Variants in PSD3 observed in about 807,000 individuals in gnomAD.
PSD3 encodes PH and SEC7 domain-containing protein 3.
A neutral mutation model predicts 105.5 loss-of-function variants in PSD3; 49 were observed. The ratio of observed to expected loss-of-function variants is 0.46; its 90% CI spans 0.37 to 0.59. The LOEUF (loss-of-function observed/expected upper bound fraction) is 0.59. Ranked by LOEUF, PSD3 falls within the 20% of genes least tolerant of loss-of-function variation. PSD3 has a pLI of 0.00. For missense variants in PSD3, 1,561 were observed against 1,263.8 expected, an observed-to-expected ratio of 1.24 and a Z score of -3.57; for synonymous variants, 557 against 457.8, an observed-to-expected ratio of 1.22 and a Z score of -2.77.
chr8:18,888,249 G>T (rs766669112), intron 2 of PSD3, among the ~76,000 whole-genome samples: 14 of 152,172 alleles, frequency 9.2e-5, no homozygotes, highest in Non-Finnish European at 1.5e-4. Context: ...CAGGGTAGTG[G>T]AAATACACCC....
At chr8:18,644,516 C>A (rs1807885677) in intron 10 of PSD3, among the ~76,000 whole-genome samples, 1 of 152,178 alleles carries the variant, frequency 6.6e-6, no homozygotes, top group African/African-American at 2.4e-5. Flanking sequence ...TCATTTCTAC[C>A]TGAGACCTCA....
Position 18,535,926 on chromosome 8 carries a change from G to C in PSD3, c.2961C>G (p.Leu987=), listed in dbSNP as rs761061358. The part of the protein sequence containing the change: ...KTRYEMYVSI[L]KEGGKELLSN... ...TCAGTAGCTCTTTGCCTCCTTCCTTGAGAATGCTGACATACATTTCATAGC... is the reference window on the plus strand; with the variant it reads ...TCAGTAGCTCTTTGCCTCCTTCCTTCAGAATGCTGACATACATTTCATAGC... Residue 987 remains leucine, a synonymous_variant, in exon 16 of 16, where the codon CTC becomes CTG. Transcript: ENST00000327040. 1 of 1,614,126 alleles carries C rather than the reference G, an allele frequency of 6.2e-7. No homozygotes were observed. The highest frequency in any genetic ancestry group is 1.1e-5 in the South Asian group (1 of 91,080).
At chr8:19,005,931 T>G (rs1268749840) in intron 1 of PSD3, among the ~76,000 whole-genome samples, 1 of 151,664 alleles carries the variant, frequency 6.6e-6, no homozygotes, top group Non-Finnish European at 1.5e-5. Flanking sequence ...TAAAGTTGTT[T>G]AAAAAAAGGA....
chr8:19,016,961 A>G (rs1030933704), upstream of PSD3, among the ~76,000 whole-genome samples: 3 of 152,032 alleles, frequency 2.0e-5, no homozygotes, highest in South Asian at 2.1e-4. Flanking sequence ...TCTTAGTCCT[A>G]TTACAATGGC....
At chr8:19,021,897 T>A (rs1182769359) in intron 1 of PSD3, among the ~76,000 whole-genome samples, 1 of 152,232 alleles carries the variant, frequency 6.6e-6, no homozygotes, top group Non-Finnish European at 1.5e-5. Flanking sequence ...GATATATTAA[T>A]CTATTTGTGT....
At chr8:18,906,696 G>A (rs531389873) in intron 2 of PSD3, among the ~76,000 whole-genome samples, 3 of 152,270 alleles carry the variant, frequency 2.0e-5, no homozygotes, top group Non-Finnish European at 2.9e-5. Flanking sequence ...GAAAGTAATT[G>A]TAGTGTCTAT....
At chr8:19,014,900 G>A (rs1314764080), upstream of PSD3, among the ~76,000 whole-genome samples, 1 of 152,206 alleles carries the variant, frequency 6.6e-6, no homozygotes, top group Non-Finnish European at 1.5e-5. This position sits in a 1 kb window ranked among gnomAD's most constrained non-coding sequence, Gnocchi z 4.9. Context: ...GAGCCAGCAT[G>A]AGGGAGTGTA....
rs537414899 is a variant in PSD3, at chr8:18,775,085, C to T, written c.2083-9547G>A. On this transcript the variant is annotated intron_variant, in intron 8 of 15. Coordinates refer to ENST00000327040, the MANE Select transcript of PSD3 (RefSeq NM_015310.4). ...TCATGAAATCTACTTTTTAAGCCCC[C>T]CCAAGTTTGAGAAAGAACATGTGGT... The T allele has an allele frequency of 5.0e-5, 20 of 400,842 alleles. 1 individual carries two copies. Among genetic ancestry groups the T allele is most frequent in the South Asian group, 3.7e-4 (20 of 54,646 alleles). 24.8% of individuals were successfully genotyped at this position (400,842 alleles called of 1,614,324 possible).
intron 9 of PSD3, among the ~76,000 whole-genome samples, chr8:18,754,380 TCTC>T (rs1805856761): frequency 6.6e-6 from 1 of 152,142 alleles, no homozygotes; most frequent in Admixed American, 6.5e-5. Context: ...TGAGACTCCA[TCTC>T]AAAATTAATA....
chr8:18,656,459 C>G (rs1034450630), intron 9 of PSD3, among the ~76,000 whole-genome samples: 2 of 124,920 alleles, frequency 1.6e-5, no homozygotes, highest in Non-Finnish European at 3.4e-5. Flanking sequence ...GGAAAAGCAT[C>G]TTAGGATAGT....
chr8:18,709,625 G>C (rs1051309845), intron 9 of PSD3, among the ~76,000 whole-genome samples: 6 of 152,204 alleles, frequency 3.9e-5, no homozygotes, highest in African/African-American at 1.2e-4. Context: ...CTAGGACAGA[G>C]TTCCCAGAGA....
chr8:19,006,514 G>T (rs1826690923), intron 1 of PSD3, among the ~76,000 whole-genome samples: 1 of 151,870 alleles, frequency 6.6e-6, no homozygotes, highest in Non-Finnish European at 1.5e-5. Flanking sequence ...TTCAACAGAG[G>T]TCTAACCATG....
rs772782585 is a variant in PSD3 at position 18,939,963 on chromosome 8, G to C, written c.22-3821C>G. 4 of 152,168 alleles carry C rather than the reference G, an allele frequency of 2.6e-5. No individual in the cohort carries two copies. The East Asian group carries it at 5.8e-4, about 22-fold the overall frequency. 9.4% of individuals were successfully genotyped at this position (152,168 alleles called of 1,614,324 possible). On this transcript the variant is annotated intron_variant, in intron 1 of 15. Coordinates refer to ENST00000327040, the MANE Select transcript of PSD3 (RefSeq NM_015310.4). ...GTTTCATGGAACGTCTAAGTCACAC[G>C]TGCATGTGAGTGTGTGTGCTGAGTC...
At chr8:18,643,606 G>C (rs1006385373) in intron 10 of PSD3, among the ~76,000 whole-genome samples, 7 of 152,136 alleles carry the variant, frequency 4.6e-5, no homozygotes, top group Non-Finnish European at 8.8e-5. Flanking sequence ...CAAGAAAAAA[G>C]AATGAACAAA....
intron 14 of PSD3, among the ~76,000 whole-genome samples, chr8:18,562,075 G>C (rs1419676117): frequency 6.6e-6 from 1 of 152,198 alleles, no homozygotes. Flanking sequence ...GGAAGAATGA[G>C]AGAGAAGGCA....
intron 9 of PSD3, among the ~76,000 whole-genome samples, chr8:18,667,284 C>A (rs899882447): frequency 1.3e-5 from 2 of 152,144 alleles, no homozygotes; most frequent in African/African-American, 2.4e-5. Context: ...AATCCCTGAG[C>A]TAGACACAAA....
intron 4 of PSD3, among the ~76,000 whole-genome samples, chr8:18,842,682 G>A (rs548666969): frequency 4.6e-5 from 7 of 151,826 alleles, no homozygotes; most frequent in Admixed American, 3.9e-4. Flanking sequence ...GCAGTGAGCC[G>A]AGATAGCGCC....
At chr8:18,807,213 C>T (rs957387740) in intron 4 of PSD3, among the ~76,000 whole-genome samples, 2 of 152,182 alleles carry the variant, frequency 1.3e-5, no homozygotes, top group Admixed American at 6.5e-5. Flanking sequence ...ACTGCTCTAC[C>T]AAGGAAGCAC....
intron 9 of PSD3, among the ~76,000 whole-genome samples, chr8:18,755,227 G>A (rs879037287): frequency 6.6e-6 from 1 of 151,888 alleles, no homozygotes; most frequent in Non-Finnish European, 1.5e-5. Flanking sequence ...CTAGGAGTTC[G>A]AGACCAGCCT....
Sources: allele counts gnomAD v4.1 joint callset (sites outside exome capture counted in the v4.1 genomes callset), GRCh38; gene constraint gnomAD v4.1.1; non-coding constraint Gnocchi (gnomAD v3.1); transcripts MANE v1.5; gene names NCBI Gene and HGNC (gene_info 2026-07-23, HGNC 2026-07-21).